PAXBP1: variants seen among roughly 807,000 people sequenced by gnomAD.
The protein encoded by PAXBP1 is PAX3- and PAX7-binding protein 1.
In PAXBP1, 44 loss-of-function variants were observed where a neutral mutation model predicts 119.9. The observed-to-expected ratio is 0.37, with a 90% CI of 0.29 to 0.47. The LOEUF (loss-of-function observed/expected upper bound fraction) is 0.47, where lower values mean the gene tolerates loss of function less well. PAXBP1 is among the 20% of genes least tolerant of loss of function. The pLI, the probability that PAXBP1 is intolerant of heterozygous loss-of-function variation, is 0.99. For missense variants in PAXBP1, 898 were observed against 1,134.1 expected, an observed-to-expected ratio of 0.79 and a Z score of 2.99; for synonymous variants, 393 against 406.6, an observed-to-expected ratio of 0.97 and a Z score of 0.40.
intron 17 of PAXBP1, among the ~76,000 whole-genome samples, chr21:32,737,047 G>A (rs1401953842): frequency 6.6e-6 from 1 of 152,162 alleles, no homozygotes; most frequent in African/African-American, 2.4e-5. Flanking sequence ...CTTACCAGAA[G>A]TCTTTCCTTA....
chr21:32,741,688 A>C (rs2043787879), intron 15 of PAXBP1: 7 of 621,126 alleles, frequency 1.1e-5, no homozygotes, highest in Non-Finnish European at 2.0e-5. Context: ...CAGAGGCAAA[A>C]TTAAGAGTAA....
intron 7 of PAXBP1, chr21:32,756,516 C>T (rs2044044892): frequency 2.5e-6 from 1 of 403,754 alleles, no homozygotes; most frequent in African/African-American, 2.2e-5. Context: ...TTTAATATGC[C>T]ACACCATGGG....
intron 17 of PAXBP1, among the ~76,000 whole-genome samples, chr21:32,737,002 AAAC>A (rs1316951448): frequency 6.6e-5 from 10 of 152,214 alleles, no homozygotes; most frequent in Middle Eastern, 6.3e-3. Flanking sequence ...GAGACAGAGA[AAAC>A]AACCGTTTAC....
Position 32,734,017 on chromosome 21 carries a change from A to G in PAXBP1, c.*933T>C, listed in dbSNP as rs1405030320. 6.5e-6 allele frequency: 1 copy of G among 152,692 alleles called. No homozygotes were observed. Among genetic ancestry groups the G allele is most frequent in the Non-Finnish European group, 1.5e-5 (1 of 68,048 alleles). 9.5% of individuals were successfully genotyped at this position (152,692 alleles called of 1,614,324 possible). A position where few individuals can be genotyped will look rare whatever the true frequency, so the allele number is the denominator to read the frequency against. ...TGAAAATCACAGAATCAGAAAGCAT[A>G]AACTTTAAAACAAGTTCTCTGAATA... On this transcript the variant is annotated 3_prime_UTR_variant, in exon 18 of 18. Coordinates refer to ENST00000331923, the MANE Select transcript of PAXBP1 (RefSeq NM_016631.4).
intron 15 of PAXBP1, chr21:32,741,717 T>G (rs1314347886): frequency 3.7e-6 from 2 of 539,714 alleles, no homozygotes; most frequent in Non-Finnish European, 6.7e-6. Context: ...GGTTTTATGG[T>G]TGGCTTTGCG....
chr21:32,763,919 G>A (rs187176441), intron 3 of PAXBP1, among the ~76,000 whole-genome samples: 4 of 151,736 alleles, frequency 2.6e-5, no homozygotes, highest in Admixed American at 1.3e-4. Flanking sequence ...CCTGGGAGGC[G>A]GTGGGTGCAG....
At chr21:32,758,686 T>C (rs1385467876) in intron 7 of PAXBP1, among the ~76,000 whole-genome samples, 2 of 151,160 alleles carry the variant, frequency 1.3e-5, no homozygotes, top group African/African-American at 2.4e-5. Flanking sequence ...ATTTGCAACT[T>C]TATATGCATA....
At chr21:32,744,937 A>T in intron 12 of PAXBP1, 24 bp from the exon 13 acceptor site, 1 of 1,592,992 alleles carries the variant, frequency 6.3e-7, no homozygotes, top group Non-Finnish European at 8.5e-7. Context: ...AAGAGGATTG[A>T]GACACAGAAG....
intron 12 of PAXBP1, 40 bp downstream of exon 12, chr21:32,745,534 A>G (rs372320576): frequency 1.2e-6 from 2 of 1,606,310 alleles, no homozygotes; most frequent in Non-Finnish European, 1.7e-6. Context: ...TGAGAAAGCC[A>G]GTGTGTCTGA....
Position 32,734,665 on chromosome 21 carries a change from C to T in PAXBP1, c.*285G>A, listed in dbSNP as rs1206991447. On this transcript the variant is annotated 3_prime_UTR_variant, in exon 18 of 18. Transcript: ENST00000331923. ...ATTACACAATTTACACTGCACACAT[C>T]GTTTACAGGGGACAATTAACTGAGA... is the stretch of plus-strand genomic sequence containing the variant. 7 of 406,528 alleles carry T rather than the reference C, an allele frequency of 1.7e-5. No homozygotes were observed. The highest frequency in any genetic ancestry group is 5.5e-5 in the East Asian group (1 of 18,330). The allele number at this position is 406,528 out of a possible 1,614,324, so 25.2% of individuals were successfully genotyped here. A position where few individuals can be genotyped will look rare whatever the true frequency, so the allele number is the denominator to read the frequency against.
chr21:32,742,672 A>G (rs2043804776), intron 15 of PAXBP1: 1 of 195,830 alleles, frequency 5.1e-6, no homozygotes, highest in Non-Finnish European at 1.1e-5. Context: ...CCCGAACCTC[A>G]GAAGAGTATC....
chr21:32,764,549 T>A lies in PAXBP1; in HGVS notation c.473-25A>T, dbSNP rs369807804. ...CCTAAATTTTTGAAGAATTAAAATA[T>A]ATGTAAAATAAAATTCATAAATTAA... On this transcript the variant is annotated intron_variant, in intron 2 of 17. Transcript: ENST00000331923. 6.7e-6 allele frequency: 10 copies of A among 1,494,068 alleles called. No individual in the cohort carries two copies. The South Asian group carries it at 1.1e-4, about 16-fold the overall frequency. The allele number at this position is 1,494,068 out of a possible 1,614,324, so 92.6% of individuals were successfully genotyped here.
chr21:32,734,132 T>C lies in PAXBP1; in HGVS notation c.*818A>G, dbSNP rs1293654053. 6.6e-6 allele frequency: 1 copy of C among 152,624 alleles called. No homozygotes were observed. The highest frequency in any genetic ancestry group is 1.5e-5 in the Non-Finnish European group (1 of 68,028). The allele number at this position is 152,624 out of a possible 1,614,324, so 9.5% of individuals were successfully genotyped here. ...AGCAAGGCGTATTCTTTATTGCATA[T>C]TTAACTCACATATGTGGGATTTTAA... On this transcript the variant is annotated 3_prime_UTR_variant, in exon 18 of 18. Coordinates refer to ENST00000331923, the MANE Select transcript of PAXBP1 (RefSeq NM_016631.4).
intron 4 of PAXBP1, among the ~76,000 whole-genome samples, chr21:32,761,375 T>C (rs1412262303): frequency 3.3e-5 from 5 of 152,226 alleles, no homozygotes; most frequent in Admixed American, 2.6e-4. Flanking sequence ...ATGTAATAGT[T>C]AAAATCTTGG....
chr21:32,759,499 C>A (rs1384294871), intron 6 of PAXBP1: 2 of 604,516 alleles, frequency 3.3e-6, no homozygotes, highest in East Asian at 2.8e-5. Flanking sequence ...CTTTTCCCCC[C>A]ATAGCGTGAC....
In PAXBP1 at chr21:32,761,019, T is replaced by A. The variant is rs764341607; in HGVS notation, c.975+40A>T. On this transcript the variant is annotated intron_variant, in intron 5 of 17. Coordinates refer to ENST00000331923, the MANE Select transcript of PAXBP1 (RefSeq NM_016631.4). ...CTTTAACAAAATAAAAAAGGCTTTT[T>A]AATCTACTTTTAATTTTTAGTTTAA... 8 of 1,526,178 alleles carry A rather than the reference T, an allele frequency of 5.2e-6. No homozygotes were observed. In the South Asian group the frequency reaches 9.5e-5, roughly 18 times the overall value. The allele number at this position is 1,526,178 out of a possible 1,614,324, so 94.5% of individuals were successfully genotyped here. A position where few individuals can be genotyped will look rare whatever the true frequency, so the allele number is the denominator to read the frequency against.
chr21:32,743,934 C>T (rs2030264792), intron 13 of PAXBP1, among the ~76,000 whole-genome samples, 180 bp from the exon 14 acceptor site: 1 of 152,232 alleles, frequency 6.6e-6, no homozygotes, highest in South Asian at 2.1e-4. Flanking sequence ...CATTCCTCAA[C>T]AACTGCCAAG....
At chr21:32,738,611 T>C (rs1371349935) in intron 15 of PAXBP1, among the ~76,000 whole-genome samples, 4 of 151,988 alleles carry the variant, frequency 2.6e-5, no homozygotes, top group Non-Finnish European at 5.9e-5. Flanking sequence ...GAGTGCTGAG[T>C]CTTAGGTAAG....
Position 32,743,752 on chromosome 21 carries a change from T to A in PAXBP1, c.2193A>T (p.Val731=). 6.4e-7 allele frequency: 1 copy of A among 1,562,768 alleles called. No homozygotes were observed. The highest frequency in any genetic ancestry group is 8.8e-7 in the Non-Finnish European group (1 of 1,141,342). The change falls in exon 14 of 18, where the codon GTA becomes GTT. Residue 731 remains valine, a splice_region_variant and synonymous_variant. Transcript: ENST00000331923. The part of the protein sequence containing the change: ...VVNAENKNTQ[V]YLKALLLRMR... ...TTCTCAATAAAAGTGCCTTTAGGTA[T>A]ACCTAAAAAGTTAAAAGTAGATCAC...
Sources: gnomAD v4.1 joint callset for allele counts (sites outside exome capture counted in the v4.1 genomes callset) on GRCh38, gnomAD v4.1.1 for gene constraint, MANE v1.5 for transcripts, NCBI Gene and HGNC (gene_info 2026-07-23, HGNC 2026-07-21) for gene names.